Variants in NLGN1 observed in about 807,000 individuals in gnomAD.
NLGN1 encodes the protein neuroligin 1.
Under a neutral mutation model 65.5 loss-of-function variants are expected in NLGN1, and 12 were observed. The ratio of observed to expected loss-of-function variants is 0.18; its 90% CI spans 0.12 to 0.30. NLGN1 has a LOEUF of 0.30. NLGN1 is among the 10% of genes least tolerant of loss of function. The pLI is 1.00. For synonymous variants in NLGN1, 350 were observed against 359.5 expected (o/e 0.97, Z 0.30); for missense variants, 750 against 1,007.1 (o/e 0.74, Z 3.46).
intron 4 of NLGN1, among the ~76,000 whole-genome samples, chr3:174,091,533 G>T (rs1388299743): frequency 1.3e-5 from 2 of 152,096 alleles, no homozygotes; most frequent in African/African-American, 4.8e-5. Flanking sequence ...ACTATTGTTT[G>T]TTCATTCACA....
chr3:173,568,224 CTTTCCT>C (rs201639073), intron 2 of NLGN1, among the ~76,000 whole-genome samples: 3,454 of 140,530 alleles, frequency 0.025, 156 homozygotes, highest in African/African-American at 0.085. Flanking sequence ...TTTTCCTTTC[CTTTCCT>C]TTTCCTTTTC....
chr3:173,472,085 A>T (rs1725407802), intron 2 of NLGN1, among the ~76,000 whole-genome samples: 1 of 152,190 alleles, frequency 6.6e-6, no homozygotes, highest in African/African-American at 2.4e-5. Context: ...CTTGGGGAAC[A>T]TTCAATCCTT....
intron 4 of NLGN1, among the ~76,000 whole-genome samples, chr3:173,903,952 C>CTT (rs1173695776): frequency 2.0e-5 from 3 of 149,090 alleles, no homozygotes; most frequent in Non-Finnish European, 4.5e-5. Flanking sequence ...GAAGGCTCTT[C>CTT]TTTTTTTTTT....
chr3:174,039,416 C>T (rs1731811774), intron 4 of NLGN1, among the ~76,000 whole-genome samples: 1 of 151,898 alleles, frequency 6.6e-6, no homozygotes, highest in Admixed American at 6.6e-5. Context: ...AATGCTCTCT[C>T]TCCCCTTGCC....
At chr3:173,507,256 C>A (rs777396521) in intron 2 of NLGN1, among the ~76,000 whole-genome samples, 25 of 151,998 alleles carry the variant, frequency 1.6e-4, no homozygotes, top group Non-Finnish European at 3.2e-4. Context: ...AAGGAGGAAC[C>A]AAGAACCGCC....
chr3:174,038,462 C>G (rs1731599225), intron 4 of NLGN1, among the ~76,000 whole-genome samples: 2 of 152,156 alleles, frequency 1.3e-5, no homozygotes, highest in Non-Finnish European at 2.9e-5. Flanking sequence ...AACTCCTTTT[C>G]AGAAAAGGAT....
chr3:173,560,223 C>T (rs562392725), intron 2 of NLGN1, among the ~76,000 whole-genome samples: 7 of 152,098 alleles, frequency 4.6e-5, no homozygotes, highest in East Asian at 1.9e-4. Context: ...CGTGAGCCAC[C>T]GCGCCCAGCC....
At chr3:173,539,138 G>A (rs970524730) in intron 2 of NLGN1, among the ~76,000 whole-genome samples, 10 of 152,140 alleles carry the variant, frequency 6.6e-5, no homozygotes, top group African/African-American at 2.4e-4. Context: ...CAGAGGTCCT[G>A]TGGTGCTACA....
At chr3:173,903,066 C>G (rs1737676529) in intron 4 of NLGN1, among the ~76,000 whole-genome samples, 1 of 152,030 alleles carries the variant, frequency 6.6e-6, no homozygotes, top group Non-Finnish European at 1.5e-5. Flanking sequence ...CTGTAAAGTT[C>G]TGGAAAAGTT....
intron 4 of NLGN1, among the ~76,000 whole-genome samples, chr3:174,046,788 G>T (rs1439608130): frequency 6.6e-6 from 1 of 152,024 alleles, no homozygotes. Context: ...TGAAGGGGCA[G>T]ATTCTATTAC....
At chr3:174,293,269 T>C in the NLGN1 span, among the ~76,000 whole-genome samples, 1 of 151,468 alleles carries the variant, frequency 6.6e-6, no homozygotes. Flanking sequence ...GGGTGTTTTT[T>C]ACCTGAGCCT....
chr3:174,183,425 C>T (rs532474649), intron 4 of NLGN1, among the ~76,000 whole-genome samples: 3 of 152,158 alleles, frequency 2.0e-5, no homozygotes, highest in African/African-American at 7.2e-5. Flanking sequence ...GTTTTAATAA[C>T]TGTTGGTTAA....
intron 4 of NLGN1, among the ~76,000 whole-genome samples, chr3:174,089,751 G>A (rs76169359): frequency 8.5e-4 from 129 of 152,280 alleles, no homozygotes; most frequent in Non-Finnish European, 1.6e-3. Context: ...CATGTGGAGT[G>A]TGCTGCAGAT....
chr3:174,106,649 T>G (rs889097734), intron 4 of NLGN1, among the ~76,000 whole-genome samples: 15 of 152,082 alleles, frequency 9.9e-5, no homozygotes, highest in African/African-American at 3.6e-4. Flanking sequence ...ATGAGATATA[T>G]AGAGAGATAT....
intron 3 of NLGN1, among the ~76,000 whole-genome samples, chr3:173,775,595 T>C (rs1420934333): frequency 1.3e-5 from 2 of 152,196 alleles, no homozygotes; most frequent in African/African-American, 4.8e-5. Context: ...GTTACTGTTG[T>C]CTCATTACTG....
intron 2 of NLGN1, chr3:173,584,624 C>A (rs1415844903): frequency 6.6e-6 from 1 of 151,624 alleles, no homozygotes; most frequent in African/African-American, 2.4e-5. Flanking sequence ...CTGATTGCAG[C>A]CGAAAGAAGT....
chr3:173,746,513 T>C (rs900142954), intron 3 of NLGN1, among the ~76,000 whole-genome samples: 1 of 150,880 alleles, frequency 6.6e-6, no homozygotes, highest in African/African-American at 2.5e-5. Flanking sequence ...GTATCAGGAC[T>C]TCCTTGCTGT....
rs141159535 is a variant in NLGN1 at position 173,754,584 on chromosome 3, G to T, written c.494-53096G>T. Among the ~76,000 whole-genome samples the T allele has an allele frequency of 4.7e-4, 71 of 152,096 alleles. 2 individuals are homozygous for T. Among genetic ancestry groups the T allele is most frequent in the African/African-American group, 1.5e-3 (64 of 41,500 alleles). On this transcript the variant is annotated intron_variant, in intron 3 of 6. Transcript: ENST00000457714. ...TTTGGCTATTTGTGCTGTATCCCCT[G>T]GGCTTAGAATAGTACTTAACATATA...
At chr3:173,686,736 C>T (rs1308974997) in intron 3 of NLGN1, among the ~76,000 whole-genome samples, 8 of 151,950 alleles carry the variant, frequency 5.3e-5, no homozygotes, top group African/African-American at 9.7e-5. Context: ...AGGCAGATCA[C>T]GAGGTTAGGA....
Sources: allele counts gnomAD v4.1 joint callset (sites outside exome capture counted in the v4.1 genomes callset), GRCh38; gene constraint gnomAD v4.1.1; transcripts MANE v1.5; gene names NCBI Gene and HGNC (gene_info 2026-07-23, HGNC 2026-07-21).